Variants in ENOX1 observed in about 807,000 individuals in gnomAD.
ENOX1 encodes the protein candidate growth-related and time keeping constitutive hydroquinone (NADH) oxidase.
Under a neutral mutation model 82.5 loss-of-function variants are expected in ENOX1, and 42 were observed. The observed-to-expected ratio is 0.51, with a 90% confidence interval of 0.40 to 0.66. ENOX1 has a LOEUF of 0.66. Among genes scored for constraint, ENOX1 ranks in the 30% least tolerant of loss-of-function variants. ENOX1 has a pLI of 0.00. For missense variants in ENOX1, 608 were observed against 811.6 expected, an observed-to-expected ratio of 0.75 and a Z score of 3.05; for synonymous variants, 271 against 282.2, an observed-to-expected ratio of 0.96 and a Z score of 0.40.
At chr13:43,330,562 A>C (rs1281205494) in intron 9 of ENOX1, among the ~76,000 whole-genome samples, 1 of 152,188 alleles carries the variant, frequency 6.6e-6, no homozygotes, top group Non-Finnish European at 1.5e-5. Flanking sequence ...CACTTTGCAA[A>C]TCTTTCCCCC....
chr13:43,584,845 T>C (rs1258838071), intron 2 of ENOX1, among the ~76,000 whole-genome samples: 1 of 152,118 alleles, frequency 6.6e-6, no homozygotes, highest in Non-Finnish European at 1.5e-5. Flanking sequence ...CTGACTACAA[T>C]CATTCTTCAT....
At chr13:43,222,015 C>G (rs777723884) in intron 16 of ENOX1, among the ~76,000 whole-genome samples, 10 of 152,190 alleles carry the variant, frequency 6.6e-5, no homozygotes, top group Non-Finnish European at 1.2e-4. Flanking sequence ...TGAGAAGGAA[C>G]CTGACAGCTC....
In ENOX1 at chr13:43,266,992, CATG is replaced by C. The variant is rs2044411892; in HGVS notation, c.1555-1541_1555-1539del. Among the ~76,000 whole-genome samples the C allele has an allele frequency of 2.6e-5, 4 of 152,158 alleles. No individual in the cohort carries two copies. In the South Asian group the frequency reaches 8.3e-4, roughly 32 times the overall value. On this transcript the variant is annotated intron_variant, in intron 13 of 16. Coordinates refer to ENST00000690772, the MANE Select transcript of ENOX1 (RefSeq NM_001347969.2). ...TAAATAAACTCCATTCTTCCCATTC[CATG>C]ATGTCCTCTAACTCTGCTCTCGCTT... is the stretch of plus-strand genomic sequence containing the variant.
Position 43,484,132 on chromosome 13 carries a change from G to A in ENOX1, c.-198C>T. 3 of 985,476 alleles carry A rather than the reference G, an allele frequency of 3.0e-6. No individual in the cohort carries two copies. Among genetic ancestry groups the A allele is most frequent in the Non-Finnish European group, 3.6e-6 (3 of 829,902 alleles). The allele number at this position is 985,476 out of a possible 1,614,324, so 61.0% of individuals were successfully genotyped here. A position where few individuals can be genotyped will look rare whatever the true frequency, so the allele number is the denominator to read the frequency against. ...AGGAAGTCTCATGGAAGACAGCATG[G>A]TTCTGACATATCAGAGGCTTCTGGA... On this transcript the variant is annotated 5_prime_UTR_variant, in exon 3 of 17. Transcript: ENST00000690772.
intron 2 of ENOX1, among the ~76,000 whole-genome samples, chr13:43,660,810 G>C (rs535546678): frequency 1.1e-4 from 16 of 152,278 alleles, no homozygotes; most frequent in African/African-American, 3.6e-4. Flanking sequence ...CTTCTGCAGA[G>C]TTTGCATAAT....
At chr13:43,672,141 C>G (rs570496915) in intron 1 of ENOX1, among the ~76,000 whole-genome samples, 1 of 152,206 alleles carries the variant, frequency 6.6e-6, no homozygotes, top group South Asian at 2.1e-4. Flanking sequence ...CTCCATTGCC[C>G]CCTCAGACTT....
intron 1 of ENOX1, among the ~76,000 whole-genome samples, chr13:43,687,514 A>C (rs2086138531): frequency 6.6e-6 from 1 of 152,158 alleles, no homozygotes; most frequent in Non-Finnish European, 1.5e-5. Flanking sequence ...AAGCCAGCCT[A>C]TTTCATGATT....
intron 1 of ENOX1, among the ~76,000 whole-genome samples, chr13:43,683,097 C>T (rs1450842256): frequency 6.6e-6 from 1 of 152,070 alleles, no homozygotes; most frequent in Non-Finnish European, 1.5e-5. Context: ...CAAAATAAGA[C>T]AAATCAGGCC....
At chr13:43,631,950 A>T (rs1409079441) in intron 2 of ENOX1, among the ~76,000 whole-genome samples, 1 of 152,184 alleles carries the variant, frequency 6.6e-6, no homozygotes, top group African/African-American at 2.4e-5. Context: ...GTCAAGACAA[A>T]CAGCAGTAAC....
chr13:43,563,865 A>G (rs1465998909), intron 2 of ENOX1, among the ~76,000 whole-genome samples: 1 of 152,068 alleles, frequency 6.6e-6, no homozygotes. Flanking sequence ...GTCTCGCAGT[A>G]AAGAAAAGCC....
intron 2 of ENOX1, among the ~76,000 whole-genome samples, chr13:43,607,560 A>C (rs1360615881): frequency 6.6e-6 from 1 of 152,216 alleles, no homozygotes; most frequent in Non-Finnish European, 1.5e-5. Flanking sequence ...TTAGTGCTTA[A>C]AAATCCCCAA....
At chr13:43,386,501 T>A (rs968742459) in intron 5 of ENOX1, among the ~76,000 whole-genome samples, 39 of 152,280 alleles carry the variant, frequency 2.6e-4, no homozygotes, top group Admixed American at 1.0e-3. Flanking sequence ...ATTAAGGTGA[T>A]TTTCCTAAGG....
At chr13:43,381,716 A>T (rs1594241828) in intron 5 of ENOX1, among the ~76,000 whole-genome samples, 2 of 152,112 alleles carry the variant, frequency 1.3e-5, no homozygotes, top group South Asian at 4.1e-4. Flanking sequence ...TCCCATACAT[A>T]AATATCAAGG....
chr13:43,552,825 T>G (rs937416180), intron 2 of ENOX1, among the ~76,000 whole-genome samples: 8 of 152,216 alleles, frequency 5.3e-5, no homozygotes, highest in Non-Finnish European at 8.8e-5. Context: ...AACAAATGAT[T>G]GCTTATCCAA....
intron 14 of ENOX1, among the ~76,000 whole-genome samples, chr13:43,251,710 T>C (rs1439916628): frequency 1.3e-5 from 2 of 152,182 alleles, no homozygotes; most frequent in East Asian, 1.9e-4. Flanking sequence ...AGCTGAGTTA[T>C]CAATACAAAA....
chr13:43,346,406 C>T (rs532401793), intron 8 of ENOX1, among the ~76,000 whole-genome samples: 16 of 152,078 alleles, frequency 1.1e-4, no homozygotes, highest in Non-Finnish European at 2.4e-4. Context: ...TTTTTCTGAG[C>T]AAACCTGCCC....
At chr13:43,247,704 G>A (rs530212738) in intron 14 of ENOX1, among the ~76,000 whole-genome samples, 3 of 148,876 alleles carry the variant, frequency 2.0e-5, no homozygotes, top group Non-Finnish European at 4.5e-5. Flanking sequence ...CACAGAAGTA[G>A]CAACAGTGCT....
intron 1 of ENOX1, among the ~76,000 whole-genome samples, chr13:43,689,886 C>T (rs2086264021): frequency 6.6e-6 from 1 of 152,108 alleles, no homozygotes; most frequent in South Asian, 2.1e-4. Flanking sequence ...CAAACCATCC[C>T]ACTTTGCATG....
chr13:43,431,101 T>C (rs921551367), intron 3 of ENOX1, among the ~76,000 whole-genome samples: 8 of 152,208 alleles, frequency 5.3e-5, no homozygotes, highest in African/African-American at 1.9e-4. Flanking sequence ...GCTACTTCGT[T>C]TGCATTTTGA....
Sources: gnomAD v4.1 joint callset for allele counts (sites outside exome capture counted in the v4.1 genomes callset) on GRCh38, gnomAD v4.1.1 for gene constraint, MANE v1.5 for transcripts, NCBI Gene and HGNC (gene_info 2026-07-23, HGNC 2026-07-21) for gene names.